XKR6: variants seen among roughly 807,000 people sequenced by gnomAD.
XKR6 encodes XK-related protein 6.
Under a neutral mutation model 56.7 loss-of-function variants are expected in XKR6, and 22 were observed. That is an observed-to-expected ratio of 0.39 (90% CI 0.28 to 0.55). XKR6 has a LOEUF of 0.55. XKR6 is among the 20% of genes least tolerant of loss of function. XKR6 has a pLI of 0.66. For missense variants in XKR6, 852 were observed against 889.0 expected (o/e 0.96, Z 0.53); for synonymous variants, 524 against 387.8 (o/e 1.35, Z -4.13).
At chr8:10,908,203 G>A in intron 2 of XKR6, among the ~76,000 whole-genome samples, 1 of 152,140 alleles carries the variant, frequency 6.6e-6, no homozygotes, top group East Asian at 1.9e-4. Context: ...TGCTCCACAG[G>A]GACCCTTGAC....
At chr8:10,983,350 G>A (rs927664176) in intron 1 of XKR6, among the ~76,000 whole-genome samples, 3 of 152,074 alleles carry the variant, frequency 2.0e-5, no homozygotes, top group Admixed American at 6.5e-5. Context: ...ACCACAGACT[G>A]TGAAGACCTT....
intron 1 of XKR6, among the ~76,000 whole-genome samples, chr8:11,092,659 A>C (rs1256948772): frequency 6.6e-6 from 1 of 152,216 alleles, no homozygotes; most frequent in Non-Finnish European, 1.5e-5. Flanking sequence ...AGAAAGGCTG[A>C]GTAAAGCCCA....
Position 11,200,964 on chromosome 8 carries a change from ACGGCCGCTCCACCTGCGGCGG to A in XKR6, c.355_375del (p.Pro119_Pro125del), listed in dbSNP as rs746871280. On this transcript the variant is annotated inframe_deletion, in exon 1 of 3. Transcript: ENST00000416569. The surrounding 1 kb of genome is among the most constrained non-coding windows in gnomAD (Gnocchi z 6.4). ...AGCACGATCCACAGGCAGTCGAGCC[ACGGCCGCTCCACCTGCGGCGG>A]CGGCGGCTCCGGCCGCGCGGCCGAG... is the stretch of plus-strand genomic sequence containing the variant. The A allele has an allele frequency of 6.9e-5, 105 of 1,528,730 alleles. No individual in the cohort carries two copies. The highest frequency in any genetic ancestry group is 5.3e-5 in the Non-Finnish European group (61 of 1,141,368). The allele number at this position is 1,528,730 out of a possible 1,614,324, so 94.7% of individuals were successfully genotyped here.
intron 1 of XKR6, among the ~76,000 whole-genome samples, chr8:11,073,180 T>C (rs1019459405): frequency 6.6e-6 from 1 of 152,238 alleles, no homozygotes; most frequent in African/African-American, 2.4e-5. Context: ...TATCGTCACC[T>C]TTCCCAAAAT....
chr8:11,108,261 A>G (rs753041446), intron 1 of XKR6: 1 of 456,056 alleles, frequency 2.2e-6, no homozygotes, highest in Non-Finnish European at 4.4e-6. Context: ...TAAGGAAGGA[A>G]TTATCTGTGA....
chr8:11,190,279 G>GGAAAA lies in XKR6; in HGVS notation c.764+10292_764+10296dup, dbSNP rs1383666118. 2.6e-4 allele frequency among the ~76,000 whole-genome samples: 40 copies of GGAAAA among 151,352 alleles called. 1 individual carries two copies. Among genetic ancestry groups the GGAAAA allele is most frequent in the South Asian group, 8.4e-4 (4 of 4,782 alleles). On this transcript the variant is annotated intron_variant, in intron 1 of 2. Transcript: ENST00000416569. ...AGAAAGGAAAGGAAAAGAAAAGAAAGGAAAATAAAAGAAAAGAAAAGAAAA... is the reference window on the plus strand; with the variant it reads ...AGAAAGGAAAGGAAAAGAAAAGAAAGGAAAAGAAAATAAAAGAAAAGAAAAGAAAA...
At chr8:11,129,688 T>G (rs963694237) in intron 1 of XKR6, among the ~76,000 whole-genome samples, 3 of 152,220 alleles carry the variant, frequency 2.0e-5, no homozygotes, top group Non-Finnish European at 4.4e-5. Context: ...GAATTTAAAT[T>G]TATCATAAAT....
chr8:11,057,280 T>C (rs375641077), intron 1 of XKR6, among the ~76,000 whole-genome samples: 2 of 152,344 alleles, frequency 1.3e-5, no homozygotes, highest in Non-Finnish European at 2.9e-5. Flanking sequence ...ACTCACTAGA[T>C]ACCTTATTTA....
chr8:11,176,001 T>C (rs987439597), intron 1 of XKR6, among the ~76,000 whole-genome samples: 7 of 152,190 alleles, frequency 4.6e-5, no homozygotes, highest in Non-Finnish European at 7.4e-5. Context: ...TTCTGACCCC[T>C]AAGAATGTGA....
chr8:10,979,509 G>A (rs7014861), intron 1 of XKR6, among the ~76,000 whole-genome samples: 83,820 of 151,746 alleles, frequency 0.55, 25,305 homozygotes, highest in African/African-American at 0.78. Flanking sequence ...TCTCTCCTCC[G>A]GTCTGGTCCT....
chr8:11,003,012 C>A (rs1443291706), intron 1 of XKR6, among the ~76,000 whole-genome samples: 1 of 151,634 alleles, frequency 6.6e-6, no homozygotes, highest in Non-Finnish European at 1.5e-5. Flanking sequence ...AAAAAAAAAA[C>A]CTCCAATCTA....
At position 11,201,068 on chromosome 8, in the gene XKR6, C is replaced by T; in HGVS notation, c.272G>A (p.Gly91Glu). Reference protein sequence around the residue: ...KPRRSAAADGGDQPLQPPAAP... With the variant: ...KPRRSAAADGEDQPLQPPAAP... ...CGCGGGAGGCTGCAGCGGCTGGTCCCCCCCGTCGGCGGCGGCGCTGCGGCG... is the reference window on the plus strand; with the variant it reads ...CGCGGGAGGCTGCAGCGGCTGGTCCTCCCCGTCGGCGGCGGCGCTGCGGCG... Residue 91 changes from glycine to glutamate, a missense_variant, in exon 1 of 3, where the codon GGG becomes GAG. Gly to Glu is a moderately conservative substitution (Grantham distance 98, BLOSUM62 -2). Coordinates refer to ENST00000416569, the MANE Select transcript of XKR6 (RefSeq NM_173683.4). 1 of 1,324,082 alleles carries T rather than the reference C, an allele frequency of 7.6e-7. No homozygotes were observed. The allele number at this position is 1,324,082 out of a possible 1,614,324, so 82.0% of individuals were successfully genotyped here.
chr8:11,201,305 A>G lies in XKR6; in HGVS notation c.35T>C (p.Val12Ala). The change falls in exon 1 of 3, where the codon GTG becomes GCG. Residue 12 changes from valine (V) to alanine (A), a missense_variant. Coordinates refer to ENST00000416569, the MANE Select transcript of XKR6 (RefSeq NM_173683.4). ...AAKSDGGGVG[V>A]GFAQLHNLDE... The stretch of plus-strand genomic sequence containing the variant: ...CAGGTTGTGCAGCTGAGCGAAGCCC[A>G]CCCCCACGCCACCGCCATCGGATTT... 1 of 1,315,194 alleles carries G rather than the reference A, an allele frequency of 7.6e-7. No homozygotes were observed. The highest frequency in any genetic ancestry group is 2.2e-5 in the Admixed American group (1 of 46,130). 81.5% of individuals were successfully genotyped at this position (1,315,194 alleles called of 1,614,324 possible). A position where few individuals can be genotyped will look rare whatever the true frequency, so the allele number is the denominator to read the frequency against.
chr8:11,031,507 T>C (rs1306899604), intron 1 of XKR6, among the ~76,000 whole-genome samples: 1 of 152,146 alleles, frequency 6.6e-6, no homozygotes, highest in Non-Finnish European at 1.5e-5. Flanking sequence ...AAAGAACCAC[T>C]CCAGGAGACA....
intron 1 of XKR6, among the ~76,000 whole-genome samples, chr8:10,937,667 G>T (rs1160029947): frequency 6.7e-6 from 1 of 149,032 alleles, no homozygotes; most frequent in Non-Finnish European, 1.5e-5. Flanking sequence ...GCCGTGTGAG[G>T]TGTCAGTGTG....
At chr8:11,019,302 G>T (rs984722039) in intron 1 of XKR6, among the ~76,000 whole-genome samples, 1 of 147,140 alleles carries the variant, frequency 6.8e-6, no homozygotes, top group Non-Finnish European at 1.5e-5. Context: ...AAAGATGAGT[G>T]AGGAGACTGT....
chr8:10,947,477 G>A (rs1304848986), intron 1 of XKR6, among the ~76,000 whole-genome samples: 1 of 152,098 alleles, frequency 6.6e-6, no homozygotes, highest in African/African-American at 2.4e-5. Flanking sequence ...AGGGAGAGCA[G>A]CCCAGGATGG....
At chr8:11,185,765 T>TAAC (rs1803242941) in intron 1 of XKR6, among the ~76,000 whole-genome samples, 1 of 152,218 alleles carries the variant, frequency 6.6e-6, no homozygotes, top group African/African-American at 2.4e-5. Context: ...TACTTTTCAT[T>TAAC]GAGTCCCTGA....
At chr8:11,059,919 G>C (rs1037272448) in intron 1 of XKR6, among the ~76,000 whole-genome samples, 1 of 152,196 alleles carries the variant, frequency 6.6e-6, no homozygotes, top group African/African-American at 2.4e-5. Flanking sequence ...GACAGGATGG[G>C]TGTTAGGCAT....
Sources: gnomAD v4.1 joint callset for allele counts (sites outside exome capture counted in the v4.1 genomes callset) on GRCh38, gnomAD v4.1.1 for gene constraint, Gnocchi (gnomAD v3.1) non-coding constraint, MANE v1.5 for transcripts, NCBI Gene and HGNC (gene_info 2026-07-23, HGNC 2026-07-21) for gene names.